The following TRMT44 variants were observed in gnomAD, a reference collection of about 807,000 sequenced individuals.
TRMT44 encodes the protein probable tRNA (uracil-O(2)-)-methyltransferase.
In TRMT44, 78 loss-of-function variants were observed where a neutral mutation model predicts 77.3. The observed-to-expected ratio is 1.01, with a 90% CI of 0.84 to 1.22. The LOEUF is 1.22. Among genes scored for constraint, TRMT44 ranks in the 50% most tolerant of loss-of-function variants. TRMT44 has a pLI of 0.00. For missense variants in TRMT44, 1,090 were observed against 964.4 expected, an observed-to-expected ratio of 1.13 and a Z score of -1.73; for synonymous variants, 391 against 383.3, an observed-to-expected ratio of 1.02 and a Z score of -0.23.
chr4:8,447,965 T>C (rs1333741002), intron 2 of TRMT44, among the ~76,000 whole-genome samples: 1 of 152,168 alleles, frequency 6.6e-6, no homozygotes, highest in Non-Finnish European at 1.5e-5. Flanking sequence ...CCTGCTGCGT[T>C]GGAGTGACTT....
At chr4:8,512,666 C>T in the TRMT44 span, 100 of 152,276 alleles carry the variant, frequency 6.6e-4, 1 homozygote, top group African/African-American at 2.2e-3. Flanking sequence ...TGGGCAGCTG[C>T]GTGTGCAGTG....
intron 2 of TRMT44, among the ~76,000 whole-genome samples, chr4:8,488,558 T>G (rs1474821047): frequency 1.3e-5 from 2 of 152,190 alleles, no homozygotes; most frequent in Admixed American, 6.5e-5. Context: ...GACCGGCCAT[T>G]TACACTTCTT....
downstream of TRMT44, chr4:8,493,565 A>T (rs1404012879): frequency 1.3e-5 from 2 of 152,120 alleles, no homozygotes; most frequent in African/African-American, 4.8e-5. Context: ...TCCTGTTTTG[A>T]TCCATCAGCT....
rs1055128461 is a variant in TRMT44 at position 8,476,060 on chromosome 4, A to G, written c.*59A>G. 2.6e-6 allele frequency: 4 copies of G among 1,511,186 alleles called. No homozygotes were observed. Among genetic ancestry groups the G allele is most frequent in the Non-Finnish European group, 3.6e-6 (4 of 1,099,436 alleles). 93.6% of individuals were successfully genotyped at this position (1,511,186 alleles called of 1,614,324 possible). Reference sequence around the variant, plus strand: ...AGGCCAAACCAAGGAGAGCTTCCCCAGCAGTCGTCAGTGCTGTGGTCTCTG... The same window carrying G: ...AGGCCAAACCAAGGAGAGCTTCCCCGGCAGTCGTCAGTGCTGTGGTCTCTG... On this transcript the variant is annotated 3_prime_UTR_variant, in exon 11 of 11. Coordinates refer to ENST00000389737, the MANE Select transcript of TRMT44 (RefSeq NM_152544.3).
rs1387835254 is a variant in TRMT44 at position 8,444,539 on chromosome 4, AG to A, written c.620-1935del. Among the ~76,000 whole-genome samples the A allele has an allele frequency of 3.3e-5, 5 of 152,020 alleles. No homozygotes were observed. The highest frequency in any genetic ancestry group is 3.3e-4 in the Admixed American group (5 of 15,268). The stretch of plus-strand genomic sequence containing the variant: ...TAGCCTCCCAAGCAGCTGGGATTAC[AG>A]GCATGTGCCACGACGCCCAGCTAAT... On this transcript the variant is annotated intron_variant, in intron 1 of 10. Transcript: ENST00000389737. This position sits in a 1 kb window ranked among gnomAD's most constrained non-coding sequence, Gnocchi z 4.0.
Position 8,463,992 on chromosome 4 carries a change from C to T in TRMT44, c.1211C>T (p.Ala404Val), listed in dbSNP as rs1726349717. Reference sequence around the variant, plus strand: ...GTTTTGTTATTCCTTTAGGAAGATGCAATCACACCCAATGATAAGACCCTT... The same window carrying T: ...GTTTTGTTATTCCTTTAGGAAGATGTAATCACACCCAATGATAAGACCCTT... ...YGPQTQLEED[A>V]ITPNDKTLFP... Residue 404 changes from alanine (A) to valine (V), a missense_variant, in exon 7 of 11, where the codon GCA becomes GTA. Ala to Val is a moderately conservative substitution (Grantham distance 64). Transcript: ENST00000389737. The T allele has an allele frequency of 6.2e-7, 1 of 1,613,018 alleles. No homozygotes were observed. The highest frequency in any genetic ancestry group is 1.3e-5 in the African/African-American group (1 of 74,986).
chr4:8,442,282 A>AT (rs1724783846), intron 1 of TRMT44, among the ~76,000 whole-genome samples: 1 of 152,228 alleles, frequency 6.6e-6, no homozygotes. Context: ...TTTCCCCAAC[A>AT]TAAAGAGAGC....
chr4:8,465,653 A>C, intron 8 of TRMT44, 92 bp downstream of exon 8: 1 of 1,176,956 alleles, frequency 8.5e-7, no homozygotes, highest in Non-Finnish European at 1.2e-6. Context: ...CCATGCTGTA[A>C]CGTTCAAAAT....
At chr4:8,469,577 G>T (rs939304068) in intron 9 of TRMT44, among the ~76,000 whole-genome samples, 1 of 152,242 alleles carries the variant, frequency 6.6e-6, no homozygotes. Flanking sequence ...ACGGCTTTCG[G>T]TGGGTGAGGA....
At chr4:8,441,806 AAG>A (rs1199956800) in intron 1 of TRMT44, among the ~76,000 whole-genome samples, 1 of 152,208 alleles carries the variant, frequency 6.6e-6, no homozygotes, top group Non-Finnish European at 1.5e-5. Flanking sequence ...GAGACAGGTT[AAG>A]AGTGCATAAA....
chr4:8,467,989 A>G lies in TRMT44; in HGVS notation c.1570A>G (p.Ile524Val), dbSNP rs747428817. ...ASVDEKRTQY[I>V]KSRRGCPVSP... ...CGTGGATGAAAAGAGGACTCAGTACATTAAGAGCAGGCGGGGCTGCCCTGT... is the reference window on the plus strand; with the variant it reads ...CGTGGATGAAAAGAGGACTCAGTACGTTAAGAGCAGGCGGGGCTGCCCTGT... The change falls in exon 9 of 11, where the codon ATT (isoleucine) becomes GTT (valine). Residue 524 changes from isoleucine to valine, a missense_variant. Transcript: ENST00000389737. The G allele has an allele frequency of 1.2e-6, 2 of 1,614,188 alleles. No individual in the cohort carries two copies. Among genetic ancestry groups the G allele is most frequent in the Non-Finnish European group, 8.5e-7 (1 of 1,180,042 alleles).
At chr4:8,471,317 A>G (rs1726980059) in intron 10 of TRMT44, 117 bp downstream of exon 10, 1 of 742,750 alleles carries the variant, frequency 1.3e-6, no homozygotes, top group Non-Finnish European at 2.1e-6. Flanking sequence ...AGAAGCAGCA[A>G]GTTCCGCGGT....
At position 8,461,195 on chromosome 4, in the gene TRMT44, A is replaced by G. The variant is rs1165405275; in HGVS notation, c.1204-2790A>G. Among the ~76,000 whole-genome samples the G allele has an allele frequency of 1.3e-5, 2 of 152,138 alleles. No homozygotes were observed. The highest frequency in any genetic ancestry group is 6.6e-5 in the Admixed American group (1 of 15,264). The stretch of plus-strand genomic sequence containing the variant: ...ACATTTACTCTTTGCTTTGTTTTAC[A>G]GTGATTGGCAGTTGCTTGTCCACTC... On this transcript the variant is annotated intron_variant, in intron 6 of 10. Transcript: ENST00000389737. This position sits in a 1 kb window ranked among gnomAD's most constrained non-coding sequence, Gnocchi z 4.6.
At chr4:8,490,166 C>T (rs1448360837) in intron 2 of TRMT44, among the ~76,000 whole-genome samples, 2 of 152,068 alleles carry the variant, frequency 1.3e-5, no homozygotes, top group Non-Finnish European at 2.9e-5. Context: ...CCTTGGCCAC[C>T]CCCACGCCTT....
At chr4:8,512,002 A>T in the TRMT44 span, 3 of 152,108 alleles carry the variant, frequency 2.0e-5, no homozygotes, top group African/African-American at 7.2e-5. Context: ...ACACTTTGTC[A>T]TATGTTGAAT....
intron 8 of TRMT44, among the ~76,000 whole-genome samples, chr4:8,465,777 C>A (rs143661608): frequency 4.8e-4 from 73 of 152,340 alleles, no homozygotes; most frequent in African/African-American, 1.7e-3. Context: ...TCCTCCAGGC[C>A]TGCAGGAGTC....
intron 5 of TRMT44, chr4:8,454,472 A>ACAG: frequency 1.8e-6 from 1 of 552,410 alleles, no homozygotes; most frequent in Non-Finnish European, 3.2e-6. Flanking sequence ...ACTGTGCAGT[A>ACAG]CAGCAGCAAG....
chr4:8,469,268 C>T (rs1726819284), intron 9 of TRMT44, among the ~76,000 whole-genome samples: 1 of 152,168 alleles, frequency 6.6e-6, no homozygotes, highest in African/African-American at 2.4e-5. Context: ...GCGAGAGTGG[C>T]CCTGGCTCAG....
At chr4:8,460,996 C>T (rs1234338471) in intron 6 of TRMT44, among the ~76,000 whole-genome samples, 1 of 152,120 alleles carries the variant, frequency 6.6e-6, no homozygotes, top group East Asian at 1.9e-4. Flanking sequence ...CGCAGGTGCA[C>T]ACCACCATGC....
Sources: gnomAD v4.1 joint callset for allele counts (sites outside exome capture counted in the v4.1 genomes callset) on GRCh38, gnomAD v4.1.1 for gene constraint, Gnocchi (gnomAD v3.1) non-coding constraint, MANE v1.5 for transcripts, NCBI Gene and HGNC (gene_info 2026-07-23, HGNC 2026-07-21) for gene names.